Variants in SLC4A10 observed in about 807,000 individuals in gnomAD.
The protein encoded by SLC4A10 is solute carrier family 4 member 10.
In SLC4A10, 42 loss-of-function variants were observed where a neutral mutation model predicts 137.7. The ratio of observed to expected loss-of-function variants is 0.30; its 90% confidence interval spans 0.24 to 0.39. SLC4A10 has a LOEUF of 0.39. Ranked by LOEUF, SLC4A10 falls within the 10% of genes least tolerant of loss-of-function variation. The pLI is 1.00. For synonymous variants in SLC4A10, 474 were observed against 464.1 expected (o/e 1.02, Z -0.27); for missense variants, 925 against 1,355.0 (o/e 0.68, Z 4.98).
chr2:161,818,597 T>C (rs1323537517), intron 3 of SLC4A10, among the ~76,000 whole-genome samples: 1 of 152,188 alleles, frequency 6.6e-6, no homozygotes, highest in African/African-American at 2.4e-5. Flanking sequence ...CCATTCAGTA[T>C]GATATTGGCT....
intron 15 of SLC4A10, among the ~76,000 whole-genome samples, chr2:161,939,887 C>A: frequency 6.6e-6 from 1 of 151,924 alleles, no homozygotes; most frequent in Non-Finnish European, 1.5e-5. Context: ...TACTGTAGAA[C>A]CAAGTAATGT....
intron 15 of SLC4A10, among the ~76,000 whole-genome samples, chr2:161,919,731 C>T (rs549966698): frequency 4.8e-4 from 73 of 152,270 alleles, no homozygotes; most frequent in African/African-American, 1.7e-3. Context: ...TTGGGACTCA[C>T]GAAGTGGTGG....
chr2:161,914,944 C>T (rs973163249), intron 15 of SLC4A10, among the ~76,000 whole-genome samples: 21 of 152,152 alleles, frequency 1.4e-4, no homozygotes, highest in Non-Finnish European at 8.8e-5. Context: ...AAGCCTGAAA[C>T]CCGCAGCCCA....
At chr2:161,729,904 T>C (rs2046650904) in intron 1 of SLC4A10, among the ~76,000 whole-genome samples, 1 of 152,214 alleles carries the variant, frequency 6.6e-6, no homozygotes, top group South Asian at 2.1e-4. Flanking sequence ...TGGTCCTCTT[T>C]TATTTGTAAC....
intron 23 of SLC4A10, among the ~76,000 whole-genome samples, chr2:161,966,277 C>G (rs937102663): frequency 2.0e-5 from 3 of 152,106 alleles, no homozygotes; most frequent in African/African-American, 7.2e-5. Context: ...AGAGATTCAT[C>G]ATGATGATGT....
intron 1 of SLC4A10, among the ~76,000 whole-genome samples, chr2:161,686,485 T>A (rs1446806500): frequency 2.0e-5 from 3 of 152,188 alleles, no homozygotes; most frequent in Non-Finnish European, 4.4e-5. Context: ...ATTGTCTCAT[T>A]CTTCTTCAAG....
intron 15 of SLC4A10, among the ~76,000 whole-genome samples, chr2:161,938,201 G>T (rs1691937420): frequency 6.6e-6 from 1 of 152,146 alleles, no homozygotes; most frequent in Non-Finnish European, 1.5e-5. Flanking sequence ...AACCTGGGAG[G>T]CGGAGGTTGC....
At chr2:161,866,291 C>T (rs1193229807) in intron 6 of SLC4A10, among the ~76,000 whole-genome samples, 1 of 151,994 alleles carries the variant, frequency 6.6e-6, no homozygotes, top group Non-Finnish European at 1.5e-5. Flanking sequence ...TAAAATAGTG[C>T]ATTTCCTTGC....
intron 1 of SLC4A10, among the ~76,000 whole-genome samples, chr2:161,770,691 A>T (rs1484584232): frequency 6.6e-6 from 1 of 150,958 alleles, no homozygotes; most frequent in Non-Finnish European, 1.5e-5. Context: ...TAGAATAACT[A>T]TTTTTTTTTG....
At chr2:161,712,145 C>A (rs2044360370) in intron 1 of SLC4A10, among the ~76,000 whole-genome samples, 1 of 151,814 alleles carries the variant, frequency 6.6e-6, no homozygotes, top group Admixed American at 6.6e-5. Context: ...CATGCTATAT[C>A]TGATTCAATT....
At chr2:161,978,202 T>G (rs1699684486) in intron 26 of SLC4A10, among the ~76,000 whole-genome samples, 1 of 151,916 alleles carries the variant, frequency 6.6e-6, no homozygotes, top group East Asian at 1.9e-4. Context: ...TTCGTCAACA[T>G]GGTGAAACCT....
At chr2:161,917,575 CTAAA>C (rs1687346413) in intron 15 of SLC4A10, among the ~76,000 whole-genome samples, 1 of 135,914 alleles carries the variant, frequency 7.4e-6, no homozygotes. Flanking sequence ...GAGACCCTGT[CTAAA>C]AAAAAAAAAA....
chr2:161,694,077 T>C (rs1389027806), intron 1 of SLC4A10, among the ~76,000 whole-genome samples: 1 of 152,066 alleles, frequency 6.6e-6, no homozygotes, highest in Non-Finnish European at 1.5e-5. Flanking sequence ...CCTTTTCTTT[T>C]ATTACTCACT....
intron 3 of SLC4A10, among the ~76,000 whole-genome samples, chr2:161,831,474 T>C (rs1439332118): frequency 2.0e-5 from 3 of 152,224 alleles, no homozygotes; most frequent in African/African-American, 7.2e-5. Context: ...TTCAATAAAG[T>C]TTTATAATTT....
intron 2 of SLC4A10, among the ~76,000 whole-genome samples, chr2:161,774,596 T>A (rs1274911382): frequency 2.0e-5 from 3 of 151,836 alleles, no homozygotes; most frequent in Non-Finnish European, 4.4e-5. Context: ...GCCTCCCCTG[T>A]GGTTTTACTG....
At chr2:161,974,369 T>C in intron 24 of SLC4A10, 53 bp downstream of exon 24, 2 of 1,395,338 alleles carry the variant, frequency 1.4e-6, no homozygotes, top group Middle Eastern at 1.8e-4. Context: ...TGCATTGTTA[T>C]ATACTTTAAG....
Position 161,653,086 on chromosome 2 carries a change from A to G in SLC4A10, c.48+28520A>G, listed in dbSNP as rs184272728. Among the ~76,000 whole-genome samples, 532 of 152,092 alleles carry G rather than the reference A, an allele frequency of 3.5e-3. 7 individuals carry two copies. The highest frequency in any genetic ancestry group is 0.012 in the African/African-American group (504 of 41,474). On this transcript the variant is annotated intron_variant, in intron 1 of 26. Coordinates refer to ENST00000446997, the MANE Select transcript of SLC4A10 (RefSeq NM_001178015.2). ...CTCATTGTTCAACTCCCACTTATGAATGAGAACACGTGGTGTTTGGTTTTC... is the reference window on the plus strand; with the variant it reads ...CTCATTGTTCAACTCCCACTTATGAGTGAGAACACGTGGTGTTTGGTTTTC...
chr2:161,977,630 A>G (rs1347689585), intron 25 of SLC4A10, 92 bp from the exon 26 acceptor site: 5 of 1,037,976 alleles, frequency 4.8e-6, no homozygotes, highest in Middle Eastern at 2.7e-4. Flanking sequence ...GGGAATTGGG[A>G]CAGTGTTTAC....
intron 1 of SLC4A10, among the ~76,000 whole-genome samples, chr2:161,654,224 G>A (rs1465942846): frequency 1.3e-5 from 2 of 152,126 alleles, no homozygotes; most frequent in Non-Finnish European, 2.9e-5. Flanking sequence ...TTTAAATTGG[G>A]TTATTAGAGT....
Sources: gnomAD v4.1 joint callset for allele counts (sites outside exome capture counted in the v4.1 genomes callset) on GRCh38, gnomAD v4.1.1 for gene constraint, MANE v1.5 for transcripts, NCBI Gene and HGNC (gene_info 2026-07-23, HGNC 2026-07-21) for gene names.